EXOC4: variants seen among roughly 807,000 people sequenced by gnomAD.
EXOC4 encodes exocyst complex component 4, also known as SEC8-like 1.
EXOC4 carries 71 observed loss-of-function variants against 107.2 expected under a neutral mutation model. That is an observed-to-expected ratio of 0.66 (90% confidence interval 0.55 to 0.81). The LOEUF (loss-of-function observed/expected upper bound fraction) is 0.81. Ranked by LOEUF, EXOC4 falls within the 30% of genes least tolerant of loss-of-function variation. The pLI, the probability that EXOC4 is intolerant of heterozygous loss-of-function variation, is 0.00. For synonymous variants in EXOC4, 456 were observed against 441.2 expected (o/e 1.03, Z -0.42); for missense variants, 1,108 against 1,189.6 (o/e 0.93, Z 1.01).
intron 9 of EXOC4, among the ~76,000 whole-genome samples, chr7:133,523,434 C>T (rs1800017329): frequency 7.7e-6 from 1 of 129,768 alleles, no homozygotes; most frequent in South Asian, 2.6e-4. Flanking sequence ...ATATACCTTT[C>T]AGTTCTTTTT....
chr7:133,789,586 TC>T (rs984125769), intron 10 of EXOC4, among the ~76,000 whole-genome samples: 1 of 152,182 alleles, frequency 6.6e-6, no homozygotes, highest in African/African-American at 2.4e-5. Flanking sequence ...CCGTTGCTGA[TC>T]CTAGGTATAT....
At chr7:133,272,096 T>A (rs1223860834) in intron 1 of EXOC4, among the ~76,000 whole-genome samples, 1 of 152,202 alleles carries the variant, frequency 6.6e-6, no homozygotes, top group East Asian at 1.9e-4. Context: ...ATTTGTTGAG[T>A]GCTAGTGACA....
At chr7:133,374,098 T>C (rs150230441) in intron 6 of EXOC4, among the ~76,000 whole-genome samples, 1,558 of 152,300 alleles carry the variant, frequency 0.01, 10 homozygotes, top group Middle Eastern at 0.027. Flanking sequence ...CTATCTATTC[T>C]AGAGCTGTAG....
chr7:133,844,414 G>T (rs1351913242), intron 11 of EXOC4, among the ~76,000 whole-genome samples: 4 of 82,072 alleles, frequency 4.9e-5, no homozygotes, highest in South Asian at 4.4e-4. Flanking sequence ...TTTTTGAGAT[G>T]GAGTCTTGCT....
chr7:133,368,112 G>T (rs1314123474), intron 6 of EXOC4, among the ~76,000 whole-genome samples: 1 of 152,180 alleles, frequency 6.6e-6, no homozygotes, highest in Non-Finnish European at 1.5e-5. Flanking sequence ...ATGTGTTGTA[G>T]GAGAGATGTG....
intron 9 of EXOC4, among the ~76,000 whole-genome samples, chr7:133,556,129 G>A (rs1489658764): frequency 2.0e-5 from 3 of 152,132 alleles, no homozygotes; most frequent in Non-Finnish European, 2.9e-5. Context: ...GCCTTCAGAC[G>A]TCCTAGCTCT....
chr7:133,361,743 C>T (rs534373513), intron 6 of EXOC4, among the ~76,000 whole-genome samples: 6 of 152,136 alleles, frequency 3.9e-5, no homozygotes, highest in East Asian at 3.9e-4. Flanking sequence ...CACTTCTTTT[C>T]GTTTGTATAA....
intron 9 of EXOC4, among the ~76,000 whole-genome samples, chr7:133,552,943 G>A (rs1358077775): frequency 3.3e-5 from 5 of 152,066 alleles, no homozygotes; most frequent in Non-Finnish European, 7.4e-5. Context: ...AAAGGAAGGA[G>A]GAGGACTTAC....
At position 133,823,864 on chromosome 7, in the gene EXOC4, TATATATATTATATA is replaced by T. The variant is rs1323864093; in HGVS notation, c.1734+6321_1734+6334del. The stretch of plus-strand genomic sequence containing the variant: ...TATATTATATATATATATATATATA[TATATATATTATATA>T]TATATATATATATATTTTATATATA... On this transcript the variant is annotated intron_variant, in intron 11 of 17. Coordinates refer to ENST00000253861, the MANE Select transcript of EXOC4 (RefSeq NM_021807.4). Among the ~76,000 whole-genome samples, 21 of 24,760 alleles carry T rather than the reference TATATATATTATATA, an allele frequency of 8.5e-4. 1 individual carries two copies. The highest frequency in any genetic ancestry group is 2.0e-3 in the South Asian group (1 of 498). The allele number at this position is 24,760 out of a possible 152,430, so 16.2% of individuals were successfully genotyped here.
chr7:133,927,998 C>A (rs1363245666), intron 13 of EXOC4, among the ~76,000 whole-genome samples: 10 of 152,220 alleles, frequency 6.6e-5, no homozygotes, highest in African/African-American at 2.4e-4. Flanking sequence ...CTCCCCTACA[C>A]ATCACATTAA....
intron 10 of EXOC4, among the ~76,000 whole-genome samples, chr7:133,653,197 TTATTAA>T (rs2151036870): frequency 6.6e-6 from 1 of 152,304 alleles, no homozygotes; most frequent in Non-Finnish European, 1.5e-5. Flanking sequence ...AAGAAGATCA[TTATTAA>T]TATTAATATG....
rs148574453 is a variant in EXOC4, at chr7:133,839,277, T to A, written c.1734+21733T>A. ...TCTGACTTTTTCCTGCATATGTGCATTTCTTTTATCCCATCCCTTGCCATA... is the reference window on the plus strand; with the variant it reads ...TCTGACTTTTTCCTGCATATGTGCAATTCTTTTATCCCATCCCTTGCCATA... On this transcript the variant is annotated intron_variant, in intron 11 of 17. Transcript: ENST00000253861. Among the ~76,000 whole-genome samples the A allele has an allele frequency of 2.0e-3, 297 of 152,302 alleles. 2 individuals are homozygous for A. The highest frequency in any genetic ancestry group is 6.7e-3 in the African/African-American group (279 of 41,570).
At chr7:133,527,133 G>A (rs1386978070) in intron 9 of EXOC4, among the ~76,000 whole-genome samples, 1 of 152,172 alleles carries the variant, frequency 6.6e-6, no homozygotes, top group African/African-American at 2.4e-5. Flanking sequence ...GCTGGGCCCA[G>A]TGGTTCACGC....
At chr7:133,579,400 T>G (rs1801200848) in intron 9 of EXOC4, among the ~76,000 whole-genome samples, 1 of 152,216 alleles carries the variant, frequency 6.6e-6, no homozygotes, top group Non-Finnish European at 1.5e-5. Flanking sequence ...ATGTATATCT[T>G]TTGGTGTTGA....
At chr7:133,469,592 A>G (rs543230854) in intron 7 of EXOC4, among the ~76,000 whole-genome samples, 1 of 152,302 alleles carries the variant, frequency 6.6e-6, no homozygotes, top group Admixed American at 6.5e-5. Flanking sequence ...ATACTCATCA[A>G]TCCATAGGTA....
intron 10 of EXOC4, among the ~76,000 whole-genome samples, chr7:133,646,719 C>A (rs1366862221): frequency 6.6e-6 from 1 of 152,142 alleles, no homozygotes; most frequent in Non-Finnish European, 1.5e-5. Flanking sequence ...TAATTAGCAA[C>A]ACCAGGCCTG....
Position 133,912,327 on chromosome 7 carries a change from A to G in EXOC4, c.1872-5256A>G, listed in dbSNP as rs554122958. Among the ~76,000 whole-genome samples the G allele has an allele frequency of 9.3e-4, 142 of 152,350 alleles. 1 individual carries two copies. The highest frequency in any genetic ancestry group is 7.9e-3 in the South Asian group (38 of 4,824). ...AATAATAGGCCACCTAGGAATAAGT[A>G]GCGTAGAAGGGAAAGGCTTGTCAAT... is the stretch of plus-strand genomic sequence containing the variant. On this transcript the variant is annotated intron_variant, in intron 12 of 17. Transcript: ENST00000253861.
chr7:134,052,782 C>G (rs1795827484), intron 17 of EXOC4, among the ~76,000 whole-genome samples: 1 of 152,188 alleles, frequency 6.6e-6, no homozygotes, highest in Non-Finnish European at 1.5e-5. Context: ...ATGTGGGATT[C>G]ATGCCTAAAT....
intron 7 of EXOC4, among the ~76,000 whole-genome samples, chr7:133,448,498 G>C (rs1206221505): frequency 6.6e-6 from 1 of 151,996 alleles, no homozygotes; most frequent in Non-Finnish European, 1.5e-5. Flanking sequence ...TGTAGAGACA[G>C]GGTCTCACTA....
Sources: allele counts gnomAD v4.1 joint callset (sites outside exome capture counted in the v4.1 genomes callset), GRCh38; gene constraint gnomAD v4.1.1; transcripts MANE v1.5; gene names NCBI Gene and HGNC (gene_info 2026-07-23, HGNC 2026-07-21).